Variants in TMEM225 observed in about 807,000 individuals in gnomAD.
TMEM225 encodes PMP22 claudin domain-containing protein.
In TMEM225, 10 loss-of-function variants were observed where a neutral mutation model predicts 17.6. That is an observed-to-expected ratio of 0.57 (90% CI 0.35 to 0.96). The LOEUF (loss-of-function observed/expected upper bound fraction) is 0.96, where lower values mean the gene tolerates loss of function less well. Ranked by LOEUF, TMEM225 falls within the 40% of genes least tolerant of loss-of-function variation. The pLI, the probability that TMEM225 is intolerant of heterozygous loss-of-function variation, is 0.02. For missense variants in TMEM225, 245 were observed against 271.5 expected (o/e 0.90, Z 0.69); for synonymous variants, 101 against 94.5 (o/e 1.07, Z -0.40).
rs1278453320 is a variant in TMEM225 at position 123,885,378 on chromosome 11, G to C, written c.48C>G (p.Phe16Leu). 6.2e-7 allele frequency: 1 copy of C among 1,613,452 alleles called. No individual in the cohort carries two copies. Among genetic ancestry groups the C allele is most frequent in the Non-Finnish European group, 8.5e-7 (1 of 1,179,628 alleles). The change falls in exon 1 of 4, where the codon TTC becomes TTG. Residue 16 changes from phenylalanine to leucine, a missense_variant. Physicochemically the swap from Phe to Leu is conservative, Grantham distance 22. Transcript: ENST00000375026. ...NRSIQGMNILFSSWAVVLMVM... is the reference protein window; with the variant it reads ...NRSIQGMNILLSSWAVVLMVM... ...CCATTAAGACTACGGCCCAGGAGGA[G>C]AAAAGTATGTTCATACCCTGGATAC... is the stretch of plus-strand genomic sequence containing the variant.
Position 123,884,222 on chromosome 11 carries a change from C to CAAAAAAATAAAAA in TMEM225, c.329-14_329-13insTTTTTATTTTTTT. Reference sequence around the variant, plus strand: ...AGCAGAGAGATACCTGATGTCCAGACAAAAAAAAAAAAAAAAAAAGAAAAA... The same window carrying CAAAAAAATAAAAA: ...AGCAGAGAGATACCTGATGTCCAGACAAAAAAATAAAAAAAAAAAAAAAAAAAAAAAAGAAAAA... On this transcript the variant is annotated splice_polypyrimidine_tract_variant and intron_variant, in intron 2 of 3. Coordinates refer to ENST00000375026, the MANE Select transcript of TMEM225 (RefSeq NM_001013743.3). 8.1e-7 allele frequency: 1 copy of CAAAAAAATAAAAA among 1,230,852 alleles called. No individual in the cohort carries two copies. The allele number at this position is 1,230,852 out of a possible 1,614,324, so 76.2% of individuals were successfully genotyped here.
In TMEM225 at chr11:123,884,093, A is replaced by G. The variant is rs993268739; in HGVS notation, c.445T>C (p.Phe149Leu). The G allele has an allele frequency of 1.7e-5, 27 of 1,610,594 alleles. No homozygotes were observed. The highest frequency in any genetic ancestry group is 2.3e-5 in the Non-Finnish European group (27 of 1,178,584). The stretch of plus-strand genomic sequence containing the variant: ...CACTCACCACAGACAGACAAGAAGA[A>G]AACATTTAAGTAAGCAGTATACATG... ...WIMYTAYLNV[F>L]FLSVCGVLSL... Residue 149 changes from phenylalanine to leucine, a missense_variant, in exon 3 of 4, where the codon TTC becomes CTC. Transcript: ENST00000375026.
In TMEM225 at chr11:123,882,920, T is replaced by C. The variant is rs1862979961; in HGVS notation, c.*218A>G. ...TGTATAGACTTAACAATACAGAAAG[T>C]ATTATTTATATGATAATATTTATTA... On this transcript the variant is annotated 3_prime_UTR_variant, in exon 4 of 4. Coordinates refer to ENST00000375026, the MANE Select transcript of TMEM225 (RefSeq NM_001013743.3). 2.7e-6 allele frequency: 1 copy of C among 369,184 alleles called. No individual in the cohort carries two copies. Among genetic ancestry groups the C allele is most frequent in the Non-Finnish European group, 4.8e-6 (1 of 207,852 alleles). The allele number at this position is 369,184 out of a possible 1,614,324, so 22.9% of individuals were successfully genotyped here.
chr11:123,885,133 G>C, intron 1 of TMEM225, 112 bp downstream of exon 1: 1 of 963,510 alleles, frequency 1.0e-6, no homozygotes, highest in Non-Finnish European at 1.5e-6. Context: ...AACTTGAGAA[G>C]CTGCACCAGA....
In TMEM225 at chr11:123,884,489, C is replaced by T. The variant is rs990386358; in HGVS notation, c.328+1G>A. The T allele has an allele frequency of 1.6e-5, 26 of 1,608,112 alleles. No individual in the cohort carries two copies. Among genetic ancestry groups the T allele is most frequent in the Non-Finnish European group, 2.1e-5 (25 of 1,177,380 alleles). ...TTGTGTTAGGGGAGCCAGGAAGTTA[C>T]CTGAGAAGAAACTGAGGATGGTAGT... On this transcript the variant is annotated splice_donor_variant, in intron 2 of 3. Transcript: ENST00000375026. LOFTEE classifies it high-confidence loss of function.
chr11:123,884,756 A>T, intron 1 of TMEM225, 120 bp from the exon 2 acceptor site: 3 of 980,156 alleles, frequency 3.1e-6, no homozygotes, highest in Non-Finnish European at 4.4e-6. Context: ...ATTAAACAAT[A>T]AGAAAGAAGT....
chr11:123,883,381 A>G lies in TMEM225; in HGVS notation c.464-29T>C, dbSNP rs184241612. ...GGGAAAAGAGATTCCAGGGAGTGGGATGAAGGGACAATGGAGAGTCAGAAA... is the reference window on the plus strand; with the variant it reads ...GGGAAAAGAGATTCCAGGGAGTGGGGTGAAGGGACAATGGAGAGTCAGAAA... On this transcript the variant is annotated intron_variant, in intron 3 of 3. Transcript: ENST00000375026. The G allele has an allele frequency of 3.6e-5, 54 of 1,515,288 alleles. 1 individual carries two copies. The Admixed American group carries it at 6.6e-4, about 18-fold the overall frequency. The allele number at this position is 1,515,288 out of a possible 1,614,324, so 93.9% of individuals were successfully genotyped here. A position where few individuals can be genotyped will look rare whatever the true frequency, so the allele number is the denominator to read the frequency against.
Position 123,884,603 on chromosome 11 carries a change from G to A in TMEM225, c.215C>T (p.Ser72Leu), listed in dbSNP as rs773180306. 32 of 1,613,044 alleles carry A rather than the reference G, an allele frequency of 2.0e-5. No homozygotes were observed. Among genetic ancestry groups the A allele is most frequent in the Non-Finnish European group, 2.5e-5 (29 of 1,179,502 alleles). ...AAGGAGGAAGGAAAGGCCAAGGCTC[G>A]ACGTCATCATAATCCTGACCACTTT... ...DLKVVRIMMT[S>L]SLGLSFLLNL... is the part of the protein sequence containing the mutation. Residue 72 changes from serine to leucine, a missense_variant, in exon 2 of 4, where the codon TCG (serine) becomes TTG (leucine). Physicochemically the swap from Ser to Leu is moderately radical, Grantham distance 145. Coordinates refer to ENST00000375026, the MANE Select transcript of TMEM225 (RefSeq NM_001013743.3).
chr11:123,885,575 G>A lies in TMEM225; in HGVS notation c.-150C>T, dbSNP rs1294597394. On this transcript the variant is annotated 5_prime_UTR_variant, in exon 1 of 4. Coordinates refer to ENST00000375026, the MANE Select transcript of TMEM225 (RefSeq NM_001013743.3). The stretch of plus-strand genomic sequence containing the variant: ...AAGCTGAAGTAGTCTATAAAACAGA[G>A]AAGATAGATAACTCTCACCCTTCCT... 11 of 690,812 alleles carry A rather than the reference G, an allele frequency of 1.6e-5. No individual in the cohort carries two copies. The highest frequency in any genetic ancestry group is 1.1e-4 in the African/African-American group (6 of 55,046). The allele number at this position is 690,812 out of a possible 1,614,324, so 42.8% of individuals were successfully genotyped here. A position where few individuals can be genotyped will look rare whatever the true frequency, so the allele number is the denominator to read the frequency against.
intron 3 of TMEM225, 113 bp from the exon 4 acceptor site, chr11:123,883,465 T>A: frequency 1.4e-6 from 1 of 718,480 alleles, no homozygotes; most frequent in Non-Finnish European, 2.4e-6. Flanking sequence ...CCCTTTTAAC[T>A]ACCGAAAGCC....
chr11:123,885,230 G>A lies in TMEM225; in HGVS notation c.181+15C>T. On this transcript the variant is annotated intron_variant, in intron 1 of 3. Coordinates refer to ENST00000375026, the MANE Select transcript of TMEM225 (RefSeq NM_001013743.3). ...CTTCCTTTCCACCCGTCTCTTTCTA[G>A]AGTACAGTTCTGACCTTCTGGCCAA... is the stretch of plus-strand genomic sequence containing the variant. The A allele has an allele frequency of 6.2e-7, 1 of 1,608,216 alleles. No individual in the cohort carries two copies. Among genetic ancestry groups the A allele is most frequent in the Non-Finnish European group, 8.5e-7 (1 of 1,177,330 alleles).
At chr11:123,885,098 C>G in intron 1 of TMEM225, 147 bp downstream of exon 1, 1 of 741,586 alleles carries the variant, frequency 1.3e-6, no homozygotes, top group Non-Finnish European at 2.2e-6. Flanking sequence ...ACTGTATTGA[C>G]TATGGAAGGA....
Position 123,885,449 on chromosome 11 carries a change from A to AACC in TMEM225, c.-27_-25dup. 1 of 1,598,586 alleles carries AACC rather than the reference A, an allele frequency of 6.3e-7. No homozygotes were observed. Among genetic ancestry groups the AACC allele is most frequent in the Non-Finnish European group, 8.5e-7 (1 of 1,171,174 alleles). On this transcript the variant is annotated 5_prime_UTR_variant, in exon 1 of 4. Coordinates refer to ENST00000375026, the MANE Select transcript of TMEM225 (RefSeq NM_001013743.3). ...ATTGTGAGTGAAAATTTCTAGCTGG[A>AACC]ACCACCACCACTATTTTGTAGATCT...
chr11:123,884,235 A>G (rs1316736417), intron 2 of TMEM225, 26 bp from the exon 3 acceptor site: 17 of 1,557,476 alleles, frequency 1.1e-5, no homozygotes, highest in African/African-American at 4.2e-5. Flanking sequence ...AAAAAAAAAA[A>G]AAAAAAGAAA....
intron 2 of TMEM225, 137 bp downstream of exon 2, chr11:123,884,353 A>G (rs1164534105): frequency 7.6e-7 from 1 of 1,313,600 alleles, no homozygotes; most frequent in African/African-American, 1.5e-5. Flanking sequence ...TTGCCCAAAG[A>G]CTGATCCTGA....
chr11:123,883,086 C>A lies in TMEM225; in HGVS notation c.*52G>T. 3 of 1,484,906 alleles carry A rather than the reference C, an allele frequency of 2.0e-6. No individual in the cohort carries two copies. Among genetic ancestry groups the A allele is most frequent in the Non-Finnish European group, 2.8e-6 (3 of 1,066,980 alleles). 92.0% of individuals were successfully genotyped at this position (1,484,906 alleles called of 1,614,324 possible). On this transcript the variant is annotated 3_prime_UTR_variant, in exon 4 of 4. Transcript: ENST00000375026. ...TGGTTGGAGACACAGCACACACCCACAAAGCTTTTTCCATAAAGATGAGCA... is the reference window on the plus strand; with the variant it reads ...TGGTTGGAGACACAGCACACACCCAAAAAGCTTTTTCCATAAAGATGAGCA...
At chr11:123,883,427 G>A in intron 3 of TMEM225, 75 bp from the exon 4 acceptor site, 1 of 1,187,164 alleles carries the variant, frequency 8.4e-7, no homozygotes, top group Non-Finnish European at 1.2e-6. Flanking sequence ...CAATTTGGCT[G>A]AAGACCCTGA....
chr11:123,882,989 C>A lies in TMEM225; in HGVS notation c.*149G>T. The A allele has an allele frequency of 1.8e-6, 1 of 556,964 alleles. No homozygotes were observed. Among genetic ancestry groups the A allele is most frequent in the Non-Finnish European group, 3.1e-6 (1 of 320,786 alleles). 34.5% of individuals were successfully genotyped at this position (556,964 alleles called of 1,614,324 possible). Reference sequence around the variant, plus strand: ...CAGAAGAAACTATTCGTTCAGCAGGCCAGGATTTTTTAAAAAACCATCTTC... The same window carrying A: ...CAGAAGAAACTATTCGTTCAGCAGGACAGGATTTTTTAAAAAACCATCTTC... On this transcript the variant is annotated 3_prime_UTR_variant, in exon 4 of 4. Transcript: ENST00000375026.
chr11:123,883,822 G>A (rs117704000), intron 3 of TMEM225, among the ~76,000 whole-genome samples: 3,811 of 152,132 alleles, frequency 0.025, 66 homozygotes, highest in Middle Eastern at 0.051. Flanking sequence ...CCCAAAGCGG[G>A]GAGGGTGTGA....
Sources: allele counts gnomAD v4.1 joint callset (sites outside exome capture counted in the v4.1 genomes callset), GRCh38; gene constraint gnomAD v4.1.1; transcripts MANE v1.5; gene names NCBI Gene and HGNC (gene_info 2026-07-23, HGNC 2026-07-21).